The following PCDHGA1 variants were observed in gnomAD, a reference collection of about 807,000 sequenced individuals.
PCDHGA1 encodes protocadherin gamma subfamily A, 1.
Under a neutral mutation model 58.0 loss-of-function variants are expected in PCDHGA1, and 32 were observed. The ratio of observed to expected loss-of-function variants is 0.55; its 90% confidence interval spans 0.42 to 0.74. The LOEUF (loss-of-function observed/expected upper bound fraction) is 0.74, where lower values mean the gene tolerates loss of function less well. PCDHGA1 is among the 30% of genes least tolerant of loss of function. The pLI, the probability that PCDHGA1 is intolerant of heterozygous loss-of-function variation, is 0.00. For synonymous variants in PCDHGA1, 498 were observed against 501.1 expected (o/e 0.99, Z 0.08); for missense variants, 1,205 against 1,182.3 (o/e 1.02, Z -0.28).
At chr5:141,371,726 T>G (rs769173416) in intron 1 of PCDHGA1, 3 of 1,613,932 alleles carry the variant, frequency 1.9e-6, no homozygotes, top group Non-Finnish European at 2.5e-6. Context: ...ACATCCTTGA[T>G]GTCAACGACA....
intron 1 of PCDHGA1, chr5:141,339,571 G>A: frequency 6.2e-7 from 1 of 1,614,180 alleles, no homozygotes; most frequent in Non-Finnish European, 8.5e-7. Flanking sequence ...AGCGCTCTCT[G>A]GACCGCGAGG....
chr5:141,390,300 T>A, intron 1 of PCDHGA1: 1 of 1,613,822 alleles, frequency 6.2e-7, no homozygotes, highest in Non-Finnish European at 8.5e-7. Flanking sequence ...CCTTTAAGTA[T>A]AATTTAATGC....
chr5:141,492,934 G>A (rs1382515835), intron 1 of PCDHGA1, among the ~76,000 whole-genome samples: 7 of 152,236 alleles, frequency 4.6e-5, no homozygotes, highest in Admixed American at 4.6e-4. Flanking sequence ...TAGGGTCAGA[G>A]ATTTGGAGGT....
At chr5:141,399,309 C>G (rs2093783867) in intron 1 of PCDHGA1, 1 of 1,613,902 alleles carries the variant, frequency 6.2e-7, no homozygotes, top group Non-Finnish European at 8.5e-7. Context: ...TCTCTTCATC[C>G]AAAAATTCGT....
chr5:141,389,166 C>G (rs1340986620), intron 1 of PCDHGA1: 1 of 1,613,988 alleles, frequency 6.2e-7, no homozygotes, highest in Non-Finnish European at 8.5e-7. Context: ...TCGGGGCAAG[C>G]CTCCCCTCTC....
In PCDHGA1 at chr5:141,372,102, G is replaced by A. The variant is rs200898659; in HGVS notation, c.2421+38997G>A. The stretch of plus-strand genomic sequence containing the variant: ...GGTGCTGTACCCAGCTCTGGGGCCC[G>A]AAGGCTCTGCGCTCTTCGATATGGT... On this transcript the variant is annotated intron_variant, in intron 1 of 3. Coordinates refer to ENST00000517417, the MANE Select transcript of PCDHGA1 (RefSeq NM_018912.3). 5.0e-5 allele frequency: 81 copies of A among 1,613,784 alleles called. No homozygotes were observed. The African/African-American group carries it at 1.0e-3, about 20-fold the overall frequency.
intron 1 of PCDHGA1, chr5:141,357,632 C>T (rs1588529115): frequency 1.2e-6 from 2 of 1,612,944 alleles, no homozygotes; most frequent in South Asian, 1.1e-5. Flanking sequence ...GTGAGTCAAT[C>T]TTATAATAGA....
In PCDHGA1 at chr5:141,430,592, C is replaced by G; in HGVS notation, c.2422-64215C>G. The G allele has an allele frequency of 9.2e-6, 5 of 544,570 alleles. No individual in the cohort carries two copies. In the South Asian group the frequency reaches 3.1e-4, roughly 34 times the overall value. The allele number at this position is 544,570 out of a possible 1,614,324, so 33.7% of individuals were successfully genotyped here. ...AAGCGGAGATCCTGCTCGCCTTGCACGCGCCTGAAGCACAAAGCAGATAGC... is the reference window on the plus strand; with the variant it reads ...AAGCGGAGATCCTGCTCGCCTTGCAGGCGCCTGAAGCACAAAGCAGATAGC... On this transcript the variant is annotated intron_variant, in intron 1 of 3. Coordinates refer to ENST00000517417, the MANE Select transcript of PCDHGA1 (RefSeq NM_018912.3).
rs61738537 is a variant in PCDHGA1 at position 141,340,317 on chromosome 5, C to T, written c.2421+7212C>T. 46 of 1,614,050 alleles carry T rather than the reference C, an allele frequency of 2.8e-5. No homozygotes were observed. The African/African-American group carries it at 5.9e-4, about 21-fold the overall frequency. ...CAGGTGGCAGACATCAACGACAACG[C>T]ACCCGCCTTCTCCCGCACATCCTAC... On this transcript the variant is annotated intron_variant, in intron 1 of 3. Transcript: ENST00000517417.
chr5:141,392,659 A>T, intron 1 of PCDHGA1: 2 of 788,300 alleles, frequency 2.5e-6, no homozygotes, highest in Non-Finnish European at 3.8e-6. Flanking sequence ...CGCAGATGCC[A>T]CAAACTAACT....
intron 1 of PCDHGA1, chr5:141,416,429 G>A (rs952059043): frequency 1.3e-5 from 2 of 152,144 alleles, no homozygotes; most frequent in African/African-American, 4.8e-5. Flanking sequence ...AGTGACTAAG[G>A]CTGAAAGTAA....
intron 1 of PCDHGA1, chr5:141,366,483 G>T (rs1194485862): frequency 1.4e-5 from 23 of 1,614,118 alleles, no homozygotes; most frequent in Non-Finnish European, 1.8e-5. Flanking sequence ...AGACTGAGGC[G>T]CTGGCACAAG....
intron 1 of PCDHGA1, chr5:141,430,569 G>A (rs1252716330): frequency 4.5e-6 from 2 of 439,930 alleles, no homozygotes; most frequent in African/African-American, 4.1e-5. Flanking sequence ...GGAGAGAAAA[G>A]CGGAGATCCT....
intron 1 of PCDHGA1, chr5:141,415,646 A>G: frequency 6.2e-7 from 1 of 1,600,190 alleles, no homozygotes; most frequent in South Asian, 1.1e-5. Context: ...TTTGTTAAAA[A>G]AAAAAAGATT....
chr5:141,350,691 T>C lies in PCDHGA1; in HGVS notation c.2421+17586T>C, dbSNP rs556658161. 1.7e-5 allele frequency: 28 copies of C among 1,613,996 alleles called. 1 individual carries two copies. In the South Asian group the frequency reaches 2.9e-4, roughly 16 times the overall value. ...GACTTAGAAATTTGTGAGTCAGCCT[T>C]ACCCGGGGTAAAATTCTCTCTGGAT... On this transcript the variant is annotated intron_variant, in intron 1 of 3. Coordinates refer to ENST00000517417, the MANE Select transcript of PCDHGA1 (RefSeq NM_018912.3).
chr5:141,432,138 A>C lies in PCDHGA1; in HGVS notation c.2422-62669A>C, dbSNP rs2097456794. On this transcript the variant is annotated intron_variant, in intron 1 of 3. Coordinates refer to ENST00000517417, the MANE Select transcript of PCDHGA1 (RefSeq NM_018912.3). The surrounding 1 kb of genome is among the most constrained non-coding windows in gnomAD (Gnocchi z 6.0). ...TTCCCTCAGGCCTCCTATTCCGCTT[A>C]TATCCCAGAGAACAATCCCAGAGGA... 1 of 1,613,954 alleles carries C rather than the reference A, an allele frequency of 6.2e-7. No individual in the cohort carries two copies. Among genetic ancestry groups the C allele is most frequent in the African/African-American group, 1.3e-5 (1 of 74,882 alleles).
chr5:141,433,033 C>A, intron 1 of PCDHGA1: 2 of 1,614,164 alleles, frequency 1.2e-6, no homozygotes, highest in Non-Finnish European at 1.7e-6. Flanking sequence ...ACGAGGTTTC[C>A]CTCACCACGG....
rs757691247 is a variant in PCDHGA1 at position 141,399,920 on chromosome 5, C to T, written c.2421+66815C>T. On this transcript the variant is annotated intron_variant, in intron 1 of 3. Coordinates refer to ENST00000517417, the MANE Select transcript of PCDHGA1 (RefSeq NM_018912.3). ...GTGGACGCAGACTCAGGACACAACG[C>T]CTGGCTGTCCTACCACGTGCTGCAG... is the stretch of plus-strand genomic sequence containing the variant. 1.2e-5 allele frequency: 20 copies of T among 1,612,216 alleles called. No homozygotes were observed. The South Asian group carries it at 2.1e-4, about 17-fold the overall frequency.
intron 1 of PCDHGA1, chr5:141,361,955 A>G (rs1762251619): frequency 6.2e-6 from 10 of 1,602,992 alleles, no homozygotes; most frequent in Non-Finnish European, 6.8e-6. Flanking sequence ...CTGTCCTACC[A>G]CGTGCTGCAG....
Sources: gnomAD v4.1 joint callset for allele counts (sites outside exome capture counted in the v4.1 genomes callset) on GRCh38, gnomAD v4.1.1 for gene constraint, Gnocchi (gnomAD v3.1) non-coding constraint, MANE v1.5 for transcripts, NCBI Gene and HGNC (gene_info 2026-07-23, HGNC 2026-07-21) for gene names.